The following SLC9C1 variants were observed in gnomAD, a reference collection of about 807,000 sequenced individuals.
SLC9C1 encodes solute carrier family 9 member C1.
Under a neutral mutation model 140.9 loss-of-function variants are expected in SLC9C1, and 97 were observed. The observed-to-expected ratio is 0.69, with a 90% CI of 0.58 to 0.82. SLC9C1 has a LOEUF of 0.82. Ranked by LOEUF, SLC9C1 falls within the 40% of genes least tolerant of loss-of-function variation. The pLI is 0.00. For missense variants in SLC9C1, 1,340 were observed against 1,389.3 expected, an observed-to-expected ratio of 0.96 and a Z score of 0.56; for synonymous variants, 440 against 442.6, an observed-to-expected ratio of 0.99 and a Z score of 0.07.
intron 1 of SLC9C1, among the ~76,000 whole-genome samples, chr3:112,288,796 C>T (rs531757498): frequency 1.3e-5 from 2 of 152,124 alleles, no homozygotes; most frequent in African/African-American, 2.4e-5. Context: ...AGACTACTTG[C>T]ATTCGTAGGT....
At chr3:112,271,362 G>A (rs895331480) in intron 6 of SLC9C1, among the ~76,000 whole-genome samples, 3 of 119,798 alleles carry the variant, frequency 2.5e-5, no homozygotes, top group African/African-American at 5.7e-5. Context: ...ATGAGGTGAC[G>A]TTAATTAGTT....
chr3:112,202,529 A>G (rs1003081106), intron 17 of SLC9C1, 130 bp from the exon 18 acceptor site: 1 of 847,318 alleles, frequency 1.2e-6, no homozygotes, highest in Non-Finnish European at 1.7e-6. Context: ...TAACCTGTCA[A>G]GGTTCTTTGT....
chr3:112,225,407 TAAGATTGTAA>T (rs2078655661), intron 13 of SLC9C1, among the ~76,000 whole-genome samples: 1 of 152,014 alleles, frequency 6.6e-6, no homozygotes, highest in Non-Finnish European at 1.5e-5. Flanking sequence ...GGACAATAAC[TAAGATTGTAA>T]AAACATATAA....
At chr3:112,255,957 T>C (rs1283234180) in intron 10 of SLC9C1, among the ~76,000 whole-genome samples, 5 of 152,108 alleles carry the variant, frequency 3.3e-5, no homozygotes, top group Non-Finnish European at 7.4e-5. Context: ...AACACCCCTA[T>C]GCACACAAAC....
chr3:112,235,134 G>C (rs1049390363), intron 12 of SLC9C1, among the ~76,000 whole-genome samples: 19 of 121,942 alleles, frequency 1.6e-4, no homozygotes, highest in African/African-American at 4.7e-4. Flanking sequence ...CCATTTGTTT[G>C]TATCCTCTTT....
At chr3:112,269,807 T>G (rs114977912) in intron 7 of SLC9C1, 109 bp downstream of exon 7, 13,254 of 839,634 alleles carry the variant, frequency 0.016, 138 homozygotes, top group Non-Finnish European at 0.019. Context: ...ATATTCTGTC[T>G]AGATCAGTTG....
At chr3:112,279,724 T>A (rs1461231252) in intron 3 of SLC9C1, among the ~76,000 whole-genome samples, 1 of 152,230 alleles carries the variant, frequency 6.6e-6, no homozygotes, top group East Asian at 1.9e-4. Context: ...TATAACCCAA[T>A]GTAGGTGCAG....
At chr3:112,158,940 A>G (rs2075206614) in intron 26 of SLC9C1, among the ~76,000 whole-genome samples, 1 of 151,546 alleles carries the variant, frequency 6.6e-6, no homozygotes, top group South Asian at 2.1e-4. Flanking sequence ...TTTGTTAATT[A>G]TCTTTTTTAA....
chr3:112,160,244 TTTTA>T (rs1044319729), intron 26 of SLC9C1, among the ~76,000 whole-genome samples: 20 of 151,160 alleles, frequency 1.3e-4, no homozygotes, highest in South Asian at 8.3e-4. Flanking sequence ...TATTTTTTAT[TTTTA>T]TTTATTTATT....
intron 6 of SLC9C1, 67 bp downstream of exon 6, chr3:112,274,830 A>G: frequency 7.5e-7 from 1 of 1,341,980 alleles, no homozygotes; most frequent in South Asian, 1.7e-5. Flanking sequence ...ATATTACAAA[A>G]TACACATCAG....
intron 10 of SLC9C1, among the ~76,000 whole-genome samples, chr3:112,247,852 T>C (rs1162213220): frequency 1.3e-5 from 2 of 148,912 alleles, no homozygotes; most frequent in Admixed American, 1.4e-4. Flanking sequence ...AAATGTAAAG[T>C]GGTACTCAGT....
intron 20 of SLC9C1, among the ~76,000 whole-genome samples, chr3:112,182,625 AC>A (rs1180370004): frequency 6.6e-6 from 1 of 151,420 alleles, no homozygotes; most frequent in African/African-American, 2.4e-5. Flanking sequence ...AAACCATTTT[AC>A]TGAAGTATAG....
chr3:112,270,412 A>G (rs2080039517), intron 6 of SLC9C1, among the ~76,000 whole-genome samples: 2 of 152,314 alleles, frequency 1.3e-5, no homozygotes, highest in African/African-American at 4.8e-5. Flanking sequence ...CTTCTCTTTT[A>G]TCTTTTTGAT....
intron 8 of SLC9C1, 95 bp downstream of exon 8, chr3:112,266,143 A>T: frequency 1.1e-6 from 1 of 946,680 alleles, no homozygotes; most frequent in Non-Finnish European, 1.6e-6. Flanking sequence ...GTCTTTGAAA[A>T]TCTTACTTCG....
At chr3:112,163,730 G>GA (rs1444124373) in intron 26 of SLC9C1, among the ~76,000 whole-genome samples, 1 of 152,058 alleles carries the variant, frequency 6.6e-6, no homozygotes, top group East Asian at 1.9e-4. Flanking sequence ...GTGTGGTGCT[G>GA]AAAAAAATGT....
intron 20 of SLC9C1, among the ~76,000 whole-genome samples, chr3:112,198,328 T>TA (rs1214956847): frequency 6.6e-6 from 1 of 152,028 alleles, no homozygotes; most frequent in Non-Finnish European, 1.5e-5. Flanking sequence ...CTACTGCTTT[T>TA]AAGCTAATTC....
intron 13 of SLC9C1, among the ~76,000 whole-genome samples, chr3:112,229,732 G>T (rs2078772237): frequency 1.3e-5 from 2 of 151,870 alleles, no homozygotes; most frequent in South Asian, 4.1e-4. Context: ...CAGCTAGAAG[G>T]GATATTACAA....
At chr3:112,291,575 T>C (rs1252288835) in intron 1 of SLC9C1, among the ~76,000 whole-genome samples, 1 of 152,168 alleles carries the variant, frequency 6.6e-6, no homozygotes, top group East Asian at 1.9e-4. Flanking sequence ...AGGTACCATT[T>C]CACACCAGTC....
chr3:112,252,807 C>A (rs961899501), intron 10 of SLC9C1, among the ~76,000 whole-genome samples: 1 of 151,994 alleles, frequency 6.6e-6, no homozygotes, highest in African/African-American at 2.4e-5. Flanking sequence ...GGTCAGACTG[C>A]TTTTTTAAGT....
Sources: allele counts gnomAD v4.1 joint callset (sites outside exome capture counted in the v4.1 genomes callset), GRCh38; gene constraint gnomAD v4.1.1; transcripts MANE v1.5; gene names NCBI Gene and HGNC (gene_info 2026-07-23, HGNC 2026-07-21).